The following POLR3D variants were observed in gnomAD, a reference collection of about 807,000 sequenced individuals.
The protein encoded by POLR3D is RNA polymerase III subunit D.
Under a neutral mutation model 44.5 loss-of-function variants are expected in POLR3D, and 42 were observed. The ratio of observed to expected loss-of-function variants is 0.94; its 90% confidence interval spans 0.74 to 1.22. The LOEUF is 1.22. Among genes scored for constraint, POLR3D ranks in the 50% most tolerant of loss-of-function variants. The probability of loss-of-function intolerance (pLI) is 0.00; values close to 1 mark genes in which losing one functional copy is unlikely to be tolerated. For missense variants in POLR3D, 507 were observed against 505.2 expected (o/e 1.00, Z -0.03); for synonymous variants, 217 against 198.1 (o/e 1.10, Z -0.80).
In POLR3D at chr8:22,247,314, A is replaced by G. The variant is rs145048190; in HGVS notation, c.209+50A>G. ...CTTGCCCCTTATTTACTTGCTCTGA[A>G]TTTGGGGCTTTGGGGGAAATAACTA... On this transcript the variant is annotated intron_variant, in intron 3 of 8. Coordinates refer to ENST00000306433, the MANE Select transcript of POLR3D (RefSeq NM_001722.3). 3,362 of 1,453,266 alleles carry G rather than the reference A, an allele frequency of 2.3e-3. 69 individuals are homozygous for G. In the African/African-American group the frequency reaches 0.036, roughly 16 times the overall value. 90.0% of individuals were successfully genotyped at this position (1,453,266 alleles called of 1,614,324 possible).
At chr8:22,247,173 T>C (rs1157518388) in intron 2 of POLR3D, 48 bp from the exon 3 acceptor site, 1 of 1,447,858 alleles carries the variant, frequency 6.9e-7, no homozygotes, top group African/African-American at 1.4e-5. Flanking sequence ...CCTCTGTACT[T>C]TGGGGTCAGA....
rs1830102569 is a variant in POLR3D, at chr8:22,251,172, A to C, written c.*654A>C. 1 of 152,944 alleles carries C rather than the reference A, an allele frequency of 6.5e-6. No individual in the cohort carries two copies. The highest frequency in any genetic ancestry group is 2.1e-4 in the South Asian group (1 of 4,826). 9.5% of individuals were successfully genotyped at this position (152,944 alleles called of 1,614,324 possible). A position where few individuals can be genotyped will look rare whatever the true frequency, so the allele number is the denominator to read the frequency against. On this transcript the variant is annotated 3_prime_UTR_variant, in exon 9 of 9. Transcript: ENST00000306433. ...CGTTCATGTCCTTTTTCTCTACCTG[A>C]GTCTATTTTCAAACAAAATAGAGAT...
chr8:22,250,542 C>CGCCTGTGCCCACGGCTGCT lies in POLR3D; in HGVS notation c.*30_*48dup. On this transcript the variant is annotated 3_prime_UTR_variant, in exon 9 of 9. Coordinates refer to ENST00000306433, the MANE Select transcript of POLR3D (RefSeq NM_001722.3). The stretch of plus-strand genomic sequence containing the variant: ...AAAATGAGCAGGTGGAGGAGGACGG[C>CGCCTGTGCCCACGGCTGCT]GCCTGTGCCCACGGCTGCTGCCTGC... 1 of 1,613,752 alleles carries CGCCTGTGCCCACGGCTGCT rather than the reference C, an allele frequency of 6.2e-7. No individual in the cohort carries two copies. Among genetic ancestry groups the CGCCTGTGCCCACGGCTGCT allele is most frequent in the Non-Finnish European group, 8.5e-7 (1 of 1,179,862 alleles).
intron 3 of POLR3D, 136 bp downstream of exon 3, chr8:22,247,400 C>G: frequency 1.6e-6 from 1 of 630,710 alleles, no homozygotes; most frequent in Non-Finnish European, 2.8e-6. Flanking sequence ...GATTTTCAAC[C>G]CTGGCTCCTA....
intron 1 of POLR3D, 66 bp downstream of exon 1, chr8:22,245,249 G>A (rs1001472735): frequency 3.1e-5 from 17 of 543,240 alleles, no homozygotes; most frequent in Non-Finnish European, 4.3e-5. Flanking sequence ...CCTGGGCGGG[G>A]TTCCTGGAGA....
At chr8:22,249,347 G>A (rs769376780) in intron 7 of POLR3D, 38 bp downstream of exon 7, 1 of 1,602,666 alleles carries the variant, frequency 6.2e-7, no homozygotes, top group East Asian at 2.2e-5. Context: ...TCAAGTCGGG[G>A]ACTGGGACGG....
intron 1 of POLR3D, 96 bp from the exon 2 acceptor site, chr8:22,245,349 C>G (rs112433431): frequency 1.7e-5 from 15 of 885,852 alleles, no homozygotes; most frequent in Middle Eastern, 3.8e-4. Flanking sequence ...ACTGGAGGGA[C>G]GCACCGACTG....
In POLR3D at chr8:22,245,590, C is replaced by A; in HGVS notation, c.141C>A (p.Asp47Glu). Reference sequence around the variant, plus strand: ...GCCTTCCCTCCATCCGTTCCAGGGACCTCACCCTCGGGGGAGTCAAGAAGG... The same window carrying A: ...GCCTTCCCTCCATCCGTTCCAGGGAACTCACCCTCGGGGGAGTCAAGAAGG... ...PGRLPSIRSR[D>E]LTLGGVKKKT... The change falls in exon 2 of 9, where the codon GAC (aspartate) becomes GAA (glutamate). Residue 47 changes from aspartate (D) to glutamate (E), a missense_variant. Coordinates refer to ENST00000306433, the MANE Select transcript of POLR3D (RefSeq NM_001722.3). 1 of 1,259,790 alleles carries A rather than the reference C, an allele frequency of 7.9e-7. No homozygotes were observed. The highest frequency in any genetic ancestry group is 1.0e-6 in the Non-Finnish European group (1 of 994,018). The allele number at this position is 1,259,790 out of a possible 1,614,324, so 78.0% of individuals were successfully genotyped here.
chr8:22,251,073 G>C lies in POLR3D; in HGVS notation c.*555G>C, dbSNP rs559938683. The C allele has an allele frequency of 5.1e-5, 8 of 155,854 alleles. No individual in the cohort carries two copies. The South Asian group carries it at 1.6e-3, about 31-fold the overall frequency. 9.7% of individuals were successfully genotyped at this position (155,854 alleles called of 1,614,324 possible). Reference sequence around the variant, plus strand: ...CAAATGGGGATGATACCTACCTCCAGGGTTGGCGTGAGGATTCATGGGCTA... The same window carrying C: ...CAAATGGGGATGATACCTACCTCCACGGTTGGCGTGAGGATTCATGGGCTA... On this transcript the variant is annotated 3_prime_UTR_variant, in exon 9 of 9. Transcript: ENST00000306433.
At position 22,246,540 on chromosome 8, in the gene POLR3D, G is replaced by A. The variant is rs534579052; in HGVS notation, c.166-681G>A. Among the ~76,000 whole-genome samples the A allele has an allele frequency of 1.1e-3, 163 of 151,518 alleles. 1 individual carries two copies. Among genetic ancestry groups the A allele is most frequent in the African/African-American group, 3.9e-3 (159 of 41,264 alleles). On this transcript the variant is annotated intron_variant, in intron 2 of 8. Transcript: ENST00000306433. ...AGCTCACTGCAACCTCCGCCTCCCG[G>A]GTTCAAGCGATTCTCCTGCCTCAGC...
rs1830104717 is a variant in POLR3D, at chr8:22,251,413, C to G, written c.*895C>G. ...AGAAAGGAAGAAGTCAGAGACCCCT[C>G]CCAGCACCCTACAAAAGCCTTTGGG... On this transcript the variant is annotated 3_prime_UTR_variant, in exon 9 of 9. Transcript: ENST00000306433. The G allele has an allele frequency of 1.3e-5, 2 of 153,770 alleles. No individual in the cohort carries two copies. The highest frequency in any genetic ancestry group is 4.1e-4 in the South Asian group (2 of 4,834). The allele number at this position is 153,770 out of a possible 1,614,324, so 9.5% of individuals were successfully genotyped here.
intron 2 of POLR3D, among the ~76,000 whole-genome samples, chr8:22,245,850 C>T (rs920171788): frequency 2.0e-5 from 3 of 152,138 alleles, no homozygotes; most frequent in South Asian, 4.1e-4. Context: ...AAGTTAAAGT[C>T]GTTCAAAAGC....
chr8:22,246,398 G>C (rs1035140109), intron 2 of POLR3D, among the ~76,000 whole-genome samples: 1 of 151,864 alleles, frequency 6.6e-6, no homozygotes, highest in Non-Finnish European at 1.5e-5. Context: ...CCAAGGTGCT[G>C]GGATTACAGG....
chr8:22,250,018 T>C, intron 7 of POLR3D, 57 bp from the exon 8 acceptor site: 4 of 1,597,780 alleles, frequency 2.5e-6, no homozygotes, highest in Admixed American at 3.4e-5. Flanking sequence ...AGGGGGTTCA[T>C]GAAAGATGGA....
intron 2 of POLR3D, among the ~76,000 whole-genome samples, chr8:22,246,468 G>T (rs1233316713): frequency 2.7e-5 from 4 of 150,318 alleles, no homozygotes; most frequent in Admixed American, 2.7e-4. Context: ...TTGTTTTTAA[G>T]GGAATCTCTT....
chr8:22,247,898 G>C lies in POLR3D; in HGVS notation c.251G>C (p.Arg84Thr). 6.2e-7 allele frequency: 1 copy of C among 1,614,152 alleles called. No individual in the cohort carries two copies. Among genetic ancestry groups the C allele is most frequent in the Non-Finnish European group, 8.5e-7 (1 of 1,180,024 alleles). The change falls in exon 4 of 9, where the codon AGG (arginine) becomes ACG (threonine). Residue 84 changes from arginine to threonine, a missense_variant. Transcript: ENST00000306433. Reference sequence around the variant, plus strand: ...ACTGTCAAGAAGGAGAAGCGTGAAAGGGACAGAGACCGACAACGAGAGGGG... The same window carrying C: ...ACTGTCAAGAAGGAGAAGCGTGAAACGGACAGAGACCGACAACGAGAGGGG... ...EVTVKKEKRE[R>T]DRDRQREGHG...
At chr8:22,247,407 C>T (rs563714172) in intron 3 of POLR3D, 143 bp downstream of exon 3, 31 of 606,558 alleles carry the variant, frequency 5.1e-5, no homozygotes, top group African/African-American at 4.0e-4. Context: ...AACCCTGGCT[C>T]CTAGGTGATT....
In POLR3D at chr8:22,251,653, TGCCAGAG is replaced by T. The variant is rs1554493788; in HGVS notation, c.*1136_*1142del. On this transcript the variant is annotated 3_prime_UTR_variant, in exon 9 of 9. Coordinates refer to ENST00000306433, the MANE Select transcript of POLR3D (RefSeq NM_001722.3). ...GCCTGCCCGTCTCCTGTCCTAGCAC[TGCCAGAG>T]CCACCTACTCAGTGTTACTTTTTTG... The T allele has an allele frequency of 6.5e-6, 1 of 153,204 alleles. No homozygotes were observed. The highest frequency in any genetic ancestry group is 1.5e-5 in the Non-Finnish European group (1 of 68,076). 9.5% of individuals were successfully genotyped at this position (153,204 alleles called of 1,614,324 possible).
At chr8:22,249,453 G>A (rs1586508393) in intron 7 of POLR3D, 144 bp downstream of exon 7, 1 of 804,308 alleles carries the variant, frequency 1.2e-6, no homozygotes, top group East Asian at 2.7e-5. Context: ...AGAGCCATGG[G>A]GCTTTGTACC....
Sources: gnomAD v4.1 joint callset for allele counts (sites outside exome capture counted in the v4.1 genomes callset) on GRCh38, gnomAD v4.1.1 for gene constraint, MANE v1.5 for transcripts, NCBI Gene and HGNC (gene_info 2026-07-23, HGNC 2026-07-21) for gene names.